Variants in SPHKAP observed in about 807,000 individuals in gnomAD.
The protein encoded by SPHKAP is A-kinase anchor protein SPHKAP.
SPHKAP carries 67 observed loss-of-function variants against 137.5 expected under a neutral mutation model. That is an observed-to-expected ratio of 0.49 (90% CI 0.40 to 0.60). The LOEUF is 0.60. SPHKAP is among the 20% of genes least tolerant of loss of function. The probability of loss-of-function intolerance (pLI) is 0.00; values close to 1 mark genes in which losing one functional copy is unlikely to be tolerated. For synonymous variants in SPHKAP, 813 were observed against 785.3 expected (o/e 1.04, Z -0.59); for missense variants, 2,097 against 2,069.3 (o/e 1.01, Z -0.26).
intron 3 of SPHKAP, among the ~76,000 whole-genome samples, chr2:228,047,484 A>G (rs888519028): frequency 1.3e-5 from 2 of 151,608 alleles, no homozygotes; most frequent in Non-Finnish European, 2.9e-5. Context: ...AAAAAAAAAC[A>G]AAAAACAACC....
intron 7 of SPHKAP, among the ~76,000 whole-genome samples, chr2:228,002,110 GTAT>G (rs1200314621): frequency 6.6e-6 from 1 of 152,074 alleles, no homozygotes; most frequent in East Asian, 1.9e-4. Flanking sequence ...GGGTCAAATG[GTAT>G]TTCTAGTTCT....
At chr2:228,052,251 T>G (rs145793351) in intron 3 of SPHKAP, among the ~76,000 whole-genome samples, 229 of 151,900 alleles carry the variant, frequency 1.5e-3, no homozygotes, top group African/African-American at 5.2e-3. Context: ...CAACATCCAA[T>G]CTATTTTCTA....
At chr2:228,064,783 A>C (rs1022474810) in intron 3 of SPHKAP, among the ~76,000 whole-genome samples, 1 of 152,242 alleles carries the variant, frequency 6.6e-6, no homozygotes, top group Admixed American at 6.5e-5. Flanking sequence ...GTTGCCAAAA[A>C]ACCAGGAAAG....
intron 3 of SPHKAP, among the ~76,000 whole-genome samples, chr2:228,043,756 A>T (rs372264503): frequency 6.6e-6 from 1 of 152,198 alleles, no homozygotes; most frequent in Non-Finnish European, 1.5e-5. Flanking sequence ...TAAATTGAAC[A>T]TAATATTGCA....
At chr2:228,090,466 T>G (rs1002616323) in intron 3 of SPHKAP, among the ~76,000 whole-genome samples, 1 of 152,188 alleles carries the variant, frequency 6.6e-6, no homozygotes, top group African/African-American at 2.4e-5. Flanking sequence ...TTCGAGTTGA[T>G]GCTGAAATGA....
At chr2:228,035,349 G>C (rs930379816) in intron 3 of SPHKAP, among the ~76,000 whole-genome samples, 2 of 151,938 alleles carry the variant, frequency 1.3e-5, no homozygotes, top group Non-Finnish European at 2.9e-5. Context: ...TCTTCAAGGA[G>C]AACTACAAAC....
Position 228,016,614 on chromosome 2 carries a change from T to C in SPHKAP, c.4240A>G (p.Ile1414Val), listed in dbSNP as rs937996175. The C allele has an allele frequency of 2.5e-6, 4 of 1,614,012 alleles. No individual in the cohort carries two copies. The highest frequency in any genetic ancestry group is 3.4e-6 in the Non-Finnish European group (4 of 1,179,998). ...CAAAGTGATCGCCTTTTGTGGTTTA[T>C]TGGTACAGGGTCCTGGCACGAGGAA... is the stretch of plus-strand genomic sequence containing the variant. ...ETSSCQDPVP[I>V]NHKRRSLCSR... Residue 1414 changes from isoleucine (I) to valine (V), a missense_variant, in exon 7 of 12, where the codon ATA becomes GTA. By Grantham distance (29) the Ile-to-Val change is conservative (BLOSUM62 3). Transcript: ENST00000392056.
intron 2 of SPHKAP, among the ~76,000 whole-genome samples, chr2:228,119,980 C>T (rs961670844): frequency 6.6e-6 from 1 of 151,954 alleles, no homozygotes; most frequent in Non-Finnish European, 1.5e-5. Flanking sequence ...ACCATTGACA[C>T]CTAAGAAAAT....
intron 11 of SPHKAP, among the ~76,000 whole-genome samples, chr2:227,986,662 G>A (rs924994223): frequency 6.6e-6 from 1 of 152,104 alleles, no homozygotes; most frequent in African/African-American, 2.4e-5. Context: ...GAAATTAGAG[G>A]GAGGCACTCC....
At chr2:228,076,525 GC>G (rs1190194975) in intron 3 of SPHKAP, among the ~76,000 whole-genome samples, 3 of 152,186 alleles carry the variant, frequency 2.0e-5, no homozygotes, top group African/African-American at 7.2e-5. Context: ...GGGAATTGGA[GC>G]AAAGGTGACT....
rs376077812 is a variant in SPHKAP, at chr2:227,980,004, G to T, written c.*1713C>A. The T allele has an allele frequency of 2.1e-4, 32 of 152,730 alleles. No individual in the cohort carries two copies. The highest frequency in any genetic ancestry group is 7.7e-4 in the East Asian group (4 of 5,188). 9.5% of individuals were successfully genotyped at this position (152,730 alleles called of 1,614,324 possible). A position where few individuals can be genotyped will look rare whatever the true frequency, so the allele number is the denominator to read the frequency against. On this transcript the variant is annotated 3_prime_UTR_variant, in exon 12 of 12. Coordinates refer to ENST00000392056, the MANE Select transcript of SPHKAP (RefSeq NM_001142644.2). ...AATTTGCAATGTTAGGTACAACATA[G>T]ATAACTTCATCACATGGTTACAATC...
chr2:228,092,467 CCAT>C (rs1192806690), intron 3 of SPHKAP, among the ~76,000 whole-genome samples: 44 of 4,248 alleles, frequency 0.01, no homozygotes, highest in Non-Finnish European at 0.015. Context: ...CATATATGTG[CCAT>C]ATATATGTAT....
chr2:228,119,052 C>G (rs962403019), intron 2 of SPHKAP, among the ~76,000 whole-genome samples: 37 of 152,096 alleles, frequency 2.4e-4, no homozygotes. Context: ...TATATCTTGG[C>G]AGGCCTTTCT....
At chr2:228,154,795 G>A (rs1281458289) in intron 1 of SPHKAP, among the ~76,000 whole-genome samples, 2 of 145,416 alleles carry the variant, frequency 1.4e-5, no homozygotes, top group African/African-American at 2.6e-5. Context: ...TCCTGACCTC[G>A]TGATCTGCCC....
chr2:228,138,914 G>GGTGAGAACATTTTATTACA (rs6147212), intron 1 of SPHKAP, among the ~76,000 whole-genome samples: 94,428 of 151,940 alleles, frequency 0.62, 29,415 homozygotes, highest in East Asian at 0.7. Context: ...AGAAAAGATG[G>GGTGAGAACATTTTATTACA]GCTTTTTGTC....
At chr2:227,993,492 G>C (rs1438398371) in intron 9 of SPHKAP, 42 bp downstream of exon 9, 8 of 1,511,664 alleles carry the variant, frequency 5.3e-6, no homozygotes, top group Admixed American at 1.9e-5. Flanking sequence ...GATGGAATTG[G>C]AGTAGTGGTC....
chr2:228,071,163 T>A (rs1696993657), intron 3 of SPHKAP, among the ~76,000 whole-genome samples: 1 of 152,170 alleles, frequency 6.6e-6, no homozygotes, highest in South Asian at 2.1e-4. Flanking sequence ...GTATGGGTAG[T>A]CCTGGTCAGA....
intron 1 of SPHKAP, among the ~76,000 whole-genome samples, chr2:228,144,583 T>A (rs4365451): frequency 1.3e-5 from 2 of 151,776 alleles, no homozygotes; most frequent in African/African-American, 2.4e-5. Flanking sequence ...TACTATTTTG[T>A]GACTAGACAA....
At chr2:228,037,598 A>G (rs776252601) in intron 3 of SPHKAP, among the ~76,000 whole-genome samples, 3 of 152,148 alleles carry the variant, frequency 2.0e-5, no homozygotes, top group Non-Finnish European at 4.4e-5. Context: ...TATCTCATGT[A>G]AACAGAACCC....
Sources: allele counts gnomAD v4.1 joint callset (sites outside exome capture counted in the v4.1 genomes callset), GRCh38; gene constraint gnomAD v4.1.1; transcripts MANE v1.5; gene names NCBI Gene and HGNC (gene_info 2026-07-23, HGNC 2026-07-21).